Variants in MDN1 observed in about 807,000 individuals in gnomAD.
MDN1 encodes midasin.
Under a neutral mutation model 669.2 loss-of-function variants are expected in MDN1, and 266 were observed. The observed-to-expected ratio is 0.40, with a 90% confidence interval of 0.36 to 0.44. MDN1 has a LOEUF of 0.44. MDN1 is among the 20% of genes least tolerant of loss of function. The probability of loss-of-function intolerance (pLI) is 1.00; values close to 1 mark genes in which losing one functional copy is unlikely to be tolerated. For missense variants in MDN1, 5,940 were observed against 6,754.0 expected (o/e 0.88, Z 4.22); for synonymous variants, 2,385 against 2,457.1 (o/e 0.97, Z 0.87).
chr6:89,758,643 T>G (rs1249041851), intron 18 of MDN1, among the ~76,000 whole-genome samples, 173 bp downstream of exon 18: 1 of 152,202 alleles, frequency 6.6e-6, no homozygotes, highest in Non-Finnish European at 1.5e-5. Flanking sequence ...TTCTTTGCAT[T>G]CCCCATACCA....
chr6:89,678,308 G>A (rs1383225528), intron 75 of MDN1, among the ~76,000 whole-genome samples: 2 of 152,080 alleles, frequency 1.3e-5, no homozygotes, highest in Non-Finnish European at 2.9e-5. Flanking sequence ...ACCAGCCTGG[G>A]CAACAGAGCG....
intron 36 of MDN1, 121 bp downstream of exon 36, chr6:89,728,810 A>G: frequency 9.1e-7 from 1 of 1,103,346 alleles, no homozygotes; most frequent in South Asian, 1.6e-5. Flanking sequence ...CAAAGAAAAG[A>G]AAAGAAAAGA....
chr6:89,769,030 G>C (rs547601314), intron 15 of MDN1, among the ~76,000 whole-genome samples: 75 of 151,856 alleles, frequency 4.9e-4, no homozygotes, highest in African/African-American at 1.7e-3. Flanking sequence ...CTCCAGTCTG[G>C]ATGACAAAGT....
intron 58 of MDN1, 92 bp from the exon 59 acceptor site, chr6:89,699,127 G>T: frequency 4.2e-6 from 5 of 1,194,282 alleles, no homozygotes; most frequent in Non-Finnish European, 4.6e-6. Context: ...ATCTAAAACT[G>T]TCATAAGTTT....
At position 89,644,436 on chromosome 6, in the gene MDN1, A is replaced by C. The variant is rs868854178; in HGVS notation, c.16603-243T>G. ...AAAAAAAGGAAAAGGGATAGACAGG[A>C]AAATCTGCTTTCCCTACAGTGGTGT... On this transcript the variant is annotated intron_variant, in intron 101 of 101. Transcript: ENST00000369393. Among the ~76,000 whole-genome samples the C allele has an allele frequency of 1.6e-4, 24 of 152,034 alleles. No individual in the cohort carries two copies. In the Middle Eastern group the frequency reaches 0.017, roughly 110 times the overall value.
Position 89,643,438 on chromosome 6 carries a change from C to T in MDN1, c.*567G>A, listed in dbSNP as rs1808289110. 6.6e-6 allele frequency: 1 copy of T among 152,214 alleles called. No homozygotes were observed. The allele number at this position is 152,214 out of a possible 1,614,324, so 9.4% of individuals were successfully genotyped here. A position where few individuals can be genotyped will look rare whatever the true frequency, so the allele number is the denominator to read the frequency against. On this transcript the variant is annotated 3_prime_UTR_variant, in exon 102 of 102. Coordinates refer to ENST00000369393, the MANE Select transcript of MDN1 (RefSeq NM_014611.3). ...AATGTCCAGTTGCTTTATGAGAACA[C>T]ACACACACCACATTCTTCCTACCCT...
At position 89,714,639 on chromosome 6, in the gene MDN1, C is replaced by T. The variant is rs746304919; in HGVS notation, c.6973G>A (p.Asp2325Asn). Reference protein sequence around the residue: ...EGDASTPDNLDLKVLLHSLGL... With the variant: ...EGDASTPDNLNLKVLLHSLGL... ...AGGCTGTGCAGCAGAACTTTCAAAT[C>T]CAGGTTGTCTGGGGTGCTTGCATCC... Residue 2325 changes from aspartate (D) to asparagine (N), a missense_variant, in exon 46 of 102, where the codon GAT becomes AAT. Physicochemically the swap from Asp to Asn is conservative, Grantham distance 23. Around this residue, in one of 5 missense-constraint regions of MDN1, gnomAD observed 2,292 missense variants for 2,638.3 expected, o/e 0.87. Coordinates refer to ENST00000369393, the MANE Select transcript of MDN1 (RefSeq NM_014611.3). 20 of 1,614,016 alleles carry T rather than the reference C, an allele frequency of 1.2e-5. No individual in the cohort carries two copies. The highest frequency in any genetic ancestry group is 1.3e-5 in the Non-Finnish European group (15 of 1,180,018).
intron 1 of MDN1, among the ~76,000 whole-genome samples, chr6:89,804,408 T>C (rs1450609785): frequency 6.6e-6 from 1 of 151,972 alleles, no homozygotes; most frequent in African/African-American, 2.4e-5. Flanking sequence ...TACACTGGAG[T>C]TTGAGGTACA....
chr6:89,699,795 A>G (rs1813017327), intron 57 of MDN1, 68 bp from the exon 58 acceptor site: 1 of 1,517,944 alleles, frequency 6.6e-7, no homozygotes, highest in African/African-American at 1.4e-5. Flanking sequence ...AAGCTGCTAC[A>G]TTAGGGAAGG....
chr6:89,661,687 A>G (rs1809778589), intron 87 of MDN1, 109 bp from the exon 88 acceptor site: 6 of 1,054,276 alleles, frequency 5.7e-6, no homozygotes, highest in South Asian at 1.8e-5. Context: ...AGAGAACACA[A>G]TATCTATTCC....
At chr6:89,706,021 T>C (rs755799177) in intron 53 of MDN1, 38 bp downstream of exon 53, 1 of 1,512,880 alleles carries the variant, frequency 6.6e-7, no homozygotes, top group East Asian at 2.3e-5. Flanking sequence ...AAAGATAAAT[T>C]TTGTTGTTTA....
intron 9 of MDN1, 89 bp from the exon 10 acceptor site, chr6:89,781,681 A>C: frequency 8.6e-7 from 1 of 1,166,852 alleles, no homozygotes; most frequent in Non-Finnish European, 1.2e-6. Context: ...GGTCAGCCAA[A>C]AATTGTATTT....
At chr6:89,645,299 G>A in intron 100 of MDN1, 142 bp from the exon 101 acceptor site, 1 of 876,528 alleles carries the variant, frequency 1.1e-6, no homozygotes, top group Non-Finnish European at 1.6e-6. Context: ...GATGAATTCT[G>A]GGCACAAACC....
rs532588171 is a variant in MDN1, at chr6:89,723,368, T to C, written c.5778+144A>G. 9 of 666,386 alleles carry C rather than the reference T, an allele frequency of 1.4e-5. No homozygotes were observed. The Admixed American group carries it at 2.5e-4, about 19-fold the overall frequency. 41.3% of individuals were successfully genotyped at this position (666,386 alleles called of 1,614,324 possible). A position where few individuals can be genotyped will look rare whatever the true frequency, so the allele number is the denominator to read the frequency against. ...ATTACTGGAAGCCTCCACTACATAG[T>C]GTCCCTTCCACTAGAAACCTGTAGA... On this transcript the variant is annotated intron_variant, in intron 39 of 101. Coordinates refer to ENST00000369393, the MANE Select transcript of MDN1 (RefSeq NM_014611.3).
At chr6:89,706,296 G>C in intron 52 of MDN1, 104 bp from the exon 53 acceptor site, 1 of 1,217,810 alleles carries the variant, frequency 8.2e-7, no homozygotes, top group Non-Finnish European at 1.1e-6. Context: ...GTTATCCCCA[G>C]TACAAAGGTC....
chr6:89,679,045 A>G (rs1934006261), intron 74 of MDN1, among the ~76,000 whole-genome samples: 1 of 152,248 alleles, frequency 6.6e-6, no homozygotes, highest in African/African-American at 2.4e-5. Flanking sequence ...ATAATCAATC[A>G]AGCAAATGCA....
At position 89,687,138 on chromosome 6, in the gene MDN1, G is replaced by GC. The variant is rs1171421556; in HGVS notation, c.11451-116dup. 3.7e-5 allele frequency: 54 copies of GC among 1,448,244 alleles called. No homozygotes were observed. In the East Asian group the frequency reaches 3.9e-4, roughly 10 times the overall value. The allele number at this position is 1,448,244 out of a possible 1,614,324, so 89.7% of individuals were successfully genotyped here. On this transcript the variant is annotated intron_variant, in intron 68 of 101. Transcript: ENST00000369393. ...TCTCCTCCCAAATGGAGATGGAGGAGCCACCCAGTTTCCTCCCTCAAGAAT... is the reference window on the plus strand; with the variant it reads ...TCTCCTCCCAAATGGAGATGGAGGAGCCCACCCAGTTTCCTCCCTCAAGAAT...
At position 89,668,144 on chromosome 6, in the gene MDN1, C is replaced by G. The variant is rs1296735017; in HGVS notation, c.13964G>C (p.Cys4655Ser). Reference sequence around the variant, plus strand: ...ATCTTCCATAAATTCTTTGGGCAAGCAAAATCCCTTAGAAAAAAGAAAAAG... The same window carrying G: ...ATCTTCCATAAATTCTTTGGGCAAGGAAAATCCCTTAGAAAAAAGAAAAAG... The part of the protein sequence containing the change: ...VFTELAQKGF[C>S]LPKEFMEDSA... Residue 4655 changes from cysteine (C) to serine (S), a missense_variant, in exon 84 of 102, where the codon TGC becomes TCC. Physicochemically the swap from Cys to Ser is moderately radical, Grantham distance 112 (BLOSUM62 -1). Transcript: ENST00000369393. 1 of 1,613,764 alleles carries G rather than the reference C, an allele frequency of 6.2e-7. No homozygotes were observed. Among genetic ancestry groups the G allele is most frequent in the Non-Finnish European group, 8.5e-7 (1 of 1,179,850 alleles).
At chr6:89,715,418 G>A (rs898581834) in intron 45 of MDN1, among the ~76,000 whole-genome samples, 14 of 152,068 alleles carry the variant, frequency 9.2e-5, no homozygotes, top group Non-Finnish European at 1.2e-4. Flanking sequence ...TCCCACCTTC[G>A]TCACCAATGC....
Sources: gnomAD v4.1 joint callset for allele counts (sites outside exome capture counted in the v4.1 genomes callset) on GRCh38, gnomAD v4.1.1 for gene constraint, gnomAD v4.1.1 regional missense constraint, MANE v1.5 for transcripts, NCBI Gene and HGNC (gene_info 2026-07-23, HGNC 2026-07-21) for gene names.